Variants in CUL3 observed in about 807,000 individuals in gnomAD.
The protein encoded by CUL3 is cullin 3, also known as cullin-3.
In CUL3, 19 loss-of-function variants were observed where a neutral mutation model predicts 89.1. That is an observed-to-expected ratio of 0.21 (90% CI 0.15 to 0.31). CUL3 has a LOEUF of 0.31. Among genes scored for constraint, CUL3 ranks in the 10% least tolerant of loss-of-function variants. CUL3 has a pLI of 1.00. For missense variants in CUL3, 469 were observed against 942.3 expected (o/e 0.50, Z 6.58); for synonymous variants, 351 against 308.4 (o/e 1.14, Z -1.45).
chr2:224,544,533 A>C (rs1198972887), intron 2 of CUL3, among the ~76,000 whole-genome samples: 1 of 152,152 alleles, frequency 6.6e-6, no homozygotes, highest in Non-Finnish European at 1.5e-5. Context: ...TTAAAAAATA[A>C]AAATAAAAAT....
intron 2 of CUL3, among the ~76,000 whole-genome samples, chr2:224,546,369 GCA>G (rs1286071876): frequency 6.6e-6 from 1 of 151,976 alleles, no homozygotes; most frequent in African/African-American, 2.4e-5. Context: ...AAAAACAGAA[GCA>G]TATAGCCCGA....
rs1047932647 is a variant in CUL3, at chr2:224,535,266, C to T, written c.378+262G>A. On this transcript the variant is annotated intron_variant, in intron 3 of 15. Transcript: ENST00000264414. ...CAGTGGCACGATCTTGGCTCACCCCCCGGTTCAAGCGATTCTCCTGCCTCA... is the reference window on the plus strand; with the variant it reads ...CAGTGGCACGATCTTGGCTCACCCCTCGGTTCAAGCGATTCTCCTGCCTCA... Among the ~76,000 whole-genome samples the T allele has an allele frequency of 1.1e-3, 161 of 152,264 alleles. 1 individual carries two copies. Among genetic ancestry groups the T allele is most frequent in the Non-Finnish European group, 5.1e-4 (35 of 68,014 alleles).
chr2:224,488,159 T>C (rs973640648), intron 13 of CUL3, among the ~76,000 whole-genome samples: 7 of 152,016 alleles, frequency 4.6e-5, no homozygotes, highest in Non-Finnish European at 7.4e-5. Flanking sequence ...AGATCTAAAA[T>C]TGACACCCTA....
intron 1 of CUL3, among the ~76,000 whole-genome samples, chr2:224,559,048 TC>T (rs1694821527): frequency 1.3e-5 from 2 of 149,984 alleles, no homozygotes; most frequent in Admixed American, 6.6e-5. Context: ...AGAGCAAGAC[TC>T]TGTCTCAAAA....
chr2:224,486,172 A>C (rs1211375715), intron 13 of CUL3, among the ~76,000 whole-genome samples: 2 of 152,248 alleles, frequency 1.3e-5, no homozygotes, highest in Non-Finnish European at 2.9e-5. Context: ...AGTGCAAAAA[A>C]GATGAAAATT....
At chr2:224,556,862 A>T (rs186126362) in intron 2 of CUL3, among the ~76,000 whole-genome samples, 2 of 152,252 alleles carry the variant, frequency 1.3e-5, no homozygotes, top group African/African-American at 4.8e-5. Context: ...TGGCAAAAAA[A>T]ATGTAGCAAA....
chr2:224,496,695 T>C (rs562343350), intron 12 of CUL3, among the ~76,000 whole-genome samples: 7 of 151,468 alleles, frequency 4.6e-5, no homozygotes, highest in Non-Finnish European at 8.8e-5. Context: ...TAGCATAGCA[T>C]AGCATGGGGG....
At chr2:224,577,170 G>C (rs956896222) in intron 1 of CUL3, among the ~76,000 whole-genome samples, 7 of 152,146 alleles carry the variant, frequency 4.6e-5, no homozygotes, top group African/African-American at 1.7e-4. Flanking sequence ...CTATTTTAAA[G>C]CTTTATTTTA....
rs542271223 is a variant in CUL3, at chr2:224,526,142, G to A, written c.378+9386C>T. 3.3e-5 allele frequency among the ~76,000 whole-genome samples: 5 copies of A among 152,276 alleles called. No homozygotes were observed. The East Asian group carries it at 9.6e-4, about 29-fold the overall frequency. On this transcript the variant is annotated intron_variant, in intron 3 of 15. Coordinates refer to ENST00000264414, the MANE Select transcript of CUL3 (RefSeq NM_003590.5). ...AGATAAGAAAACAAGAGTCTTGAGA[G>A]GGTAAATAACTTGAGCAAATTAATG...
intron 11 of CUL3, among the ~76,000 whole-genome samples, chr2:224,498,727 A>G (rs902948413): frequency 2.0e-5 from 3 of 152,230 alleles, no homozygotes; most frequent in Non-Finnish European, 2.9e-5. Flanking sequence ...GTGAAGCAGG[A>G]CTGTCTACAG....
At chr2:224,576,732 A>G (rs1036166760) in intron 1 of CUL3, among the ~76,000 whole-genome samples, 1 of 152,044 alleles carries the variant, frequency 6.6e-6, no homozygotes, top group African/African-American at 2.4e-5. Context: ...GAAAGGAAGG[A>G]AAAAAGAAAA....
At chr2:224,499,490 G>C (rs915878863) in intron 11 of CUL3, 5 of 237,370 alleles carry the variant, frequency 2.1e-5, no homozygotes, top group Non-Finnish European at 4.7e-5. Context: ...TGTTTTTTCA[G>C]ATCTGGTTTG....
At chr2:224,497,360 A>T (rs1261010406) in intron 12 of CUL3, among the ~76,000 whole-genome samples, 2 of 152,160 alleles carry the variant, frequency 1.3e-5, no homozygotes, top group Non-Finnish European at 2.9e-5. Flanking sequence ...CACAAATGTT[A>T]ATTTTCCCAA....
At chr2:224,500,547 GT>G in intron 10 of CUL3, 60 bp from the exon 11 acceptor site, 1 of 1,516,266 alleles carries the variant, frequency 6.6e-7, no homozygotes, top group South Asian at 1.2e-5. Context: ...TTTCTGTTCT[GT>G]TTAGACATTG....
At chr2:224,568,864 G>A (rs1695111958) in intron 1 of CUL3, among the ~76,000 whole-genome samples, 1 of 152,118 alleles carries the variant, frequency 6.6e-6, no homozygotes, top group African/African-American at 2.4e-5. Context: ...ATCGGGTCTT[G>A]GCATCAAATG....
chr2:224,487,935 T>G (rs1425955373), intron 13 of CUL3, among the ~76,000 whole-genome samples: 1 of 152,170 alleles, frequency 6.6e-6, no homozygotes, highest in Non-Finnish European at 1.5e-5. Context: ...AACTCAGGAT[T>G]AAGAAACTCA....
rs549376341 is a variant in CUL3, at chr2:224,519,098, A to T, written c.379-4326T>A. 1.9e-3 allele frequency among the ~76,000 whole-genome samples: 294 copies of T among 152,212 alleles called. 2 individuals are homozygous for T. Among genetic ancestry groups the T allele is most frequent in the South Asian group, 5.4e-3 (26 of 4,822 alleles). On this transcript the variant is annotated intron_variant, in intron 3 of 15. Transcript: ENST00000264414. ...AAATCTGACATCTAAAATTCTCCAAACTCTGAAACTCTGAGCATCAACATG... is the reference window on the plus strand; with the variant it reads ...AAATCTGACATCTAAAATTCTCCAATCTCTGAAACTCTGAGCATCAACATG...
intron 3 of CUL3, among the ~76,000 whole-genome samples, chr2:224,533,810 T>C (rs1040237568): frequency 3.0e-4 from 46 of 152,228 alleles, no homozygotes; most frequent in African/African-American, 9.4e-4. Context: ...TAATTTGTTA[T>C]ACCTTTTATC....
Position 224,509,212 on chromosome 2 carries a change from C to G in CUL3, c.883+2142G>C, listed in dbSNP as rs562083430. On this transcript the variant is annotated intron_variant, in intron 6 of 15. Transcript: ENST00000264414. ...CTAGCGGAAGCTCAGAAAAATTAAC[C>G]CCCCCACCTTTTTTTTCTTAAGACA... Among the ~76,000 whole-genome samples the G allele has an allele frequency of 3.8e-4, 57 of 151,852 alleles. 1 individual carries two copies. The highest frequency in any genetic ancestry group is 1.6e-4 in the Non-Finnish European group (11 of 67,932).
Sources: allele counts gnomAD v4.1 joint callset (sites outside exome capture counted in the v4.1 genomes callset), GRCh38; gene constraint gnomAD v4.1.1; transcripts MANE v1.5; gene names NCBI Gene and HGNC (gene_info 2026-07-23, HGNC 2026-07-21).